UXS1: variants seen among roughly 807,000 people sequenced by gnomAD.
UXS1 encodes the protein UDP-glucuronate decarboxylase 1.
Under a neutral mutation model 62.6 loss-of-function variants are expected in UXS1, and 33 were observed. The observed-to-expected ratio is 0.53, with a 90% CI of 0.40 to 0.70. The LOEUF is 0.70. UXS1 is among the 30% of genes least tolerant of loss of function. The pLI is 0.00. For missense variants in UXS1, 434 were observed against 556.3 expected, an observed-to-expected ratio of 0.78 and a Z score of 2.21; for synonymous variants, 213 against 206.8, an observed-to-expected ratio of 1.03 and a Z score of -0.26.
intron 1 of UXS1, among the ~76,000 whole-genome samples, chr2:106,184,060 C>T (rs893005159): frequency 5.3e-5 from 8 of 152,050 alleles, no homozygotes; most frequent in Non-Finnish European, 1.0e-4. Flanking sequence ...GGCGTGGTGG[C>T]GCACGCTTGT....
At chr2:106,101,179 C>A in intron 11 of UXS1, 61 bp from the exon 12 acceptor site, 1 of 1,533,246 alleles carries the variant, frequency 6.5e-7, no homozygotes, top group Non-Finnish European at 8.8e-7. Flanking sequence ...TGCCACGCAC[C>A]ACATAGAAGC....
rs186731917 is a variant in UXS1, at chr2:106,166,361, A to T, written c.95-278T>A. The T allele has an allele frequency of 8.0e-4, 239 of 299,578 alleles. 1 individual carries two copies. In the Middle Eastern group the frequency reaches 8.8e-3, roughly 11 times the overall value. The allele number at this position is 299,578 out of a possible 1,614,324, so 18.6% of individuals were successfully genotyped here. A position where few individuals can be genotyped will look rare whatever the true frequency, so the allele number is the denominator to read the frequency against. The stretch of plus-strand genomic sequence containing the variant: ...ATATATGCTCCCATCAGCAGCAGTG[A>T]CAAGTGGGCTTTTAAAGGAAAAGGC... On this transcript the variant is annotated intron_variant, in intron 1 of 14. Transcript: ENST00000283148.
intron 13 of UXS1, chr2:106,097,034 T>G (rs572767493): frequency 3.0e-6 from 2 of 675,896 alleles, no homozygotes; most frequent in South Asian, 3.0e-5. Flanking sequence ...CCAAGCTGAC[T>G]GTGTGCAGGC....
chr2:106,127,254 G>A (rs1680034113), intron 7 of UXS1, among the ~76,000 whole-genome samples: 1 of 152,126 alleles, frequency 6.6e-6, no homozygotes, highest in African/African-American at 2.4e-5. Flanking sequence ...TGGGAGAAAT[G>A]CCCAAGAATA....
intron 1 of UXS1, among the ~76,000 whole-genome samples, chr2:106,190,166 T>C (rs1220760226): frequency 2.0e-5 from 3 of 152,078 alleles, no homozygotes; most frequent in Non-Finnish European, 4.4e-5. Flanking sequence ...GCAAGCAAAT[T>C]AGAACACCAG....
chr2:106,189,594 A>AG (rs1339848755), intron 1 of UXS1, among the ~76,000 whole-genome samples: 3 of 152,216 alleles, frequency 2.0e-5, no homozygotes, highest in Admixed American at 1.3e-4. Context: ...CATCAAGCTC[A>AG]GGGAGTGAGG....
chr2:106,126,424 G>C (rs888875794), intron 7 of UXS1, among the ~76,000 whole-genome samples: 5 of 152,070 alleles, frequency 3.3e-5, no homozygotes, highest in Admixed American at 2.0e-4. Flanking sequence ...CTACACTAGA[G>C]GGGGGCTGTG....
At chr2:106,139,439 G>A (rs1162641018) in intron 6 of UXS1, among the ~76,000 whole-genome samples, 3 of 152,142 alleles carry the variant, frequency 2.0e-5, no homozygotes, top group African/African-American at 7.2e-5. Context: ...TCCTGACTGG[G>A]GAAACTCAAC....
At chr2:106,105,396 A>AG (rs1677972843) in intron 10 of UXS1, among the ~76,000 whole-genome samples, 1 of 67,146 alleles carries the variant, frequency 1.5e-5, no homozygotes, top group African/African-American at 5.2e-5. Context: ...CGGAGGTGGC[A>AG]GGAGGAGGGT....
chr2:106,164,561 G>A (rs1453930420), intron 3 of UXS1, among the ~76,000 whole-genome samples, 175 bp downstream of exon 3: 1 of 152,106 alleles, frequency 6.6e-6, no homozygotes, highest in East Asian at 1.9e-4. Context: ...ATCAAAAATG[G>A]ACCAACAGTA....
At chr2:106,143,188 C>G (rs959388979) in intron 6 of UXS1, among the ~76,000 whole-genome samples, 2 of 151,302 alleles carry the variant, frequency 1.3e-5, no homozygotes, top group Admixed American at 6.6e-5. Flanking sequence ...GTGGGCGGAT[C>G]ATGAGGGCAG....
intron 9 of UXS1, among the ~76,000 whole-genome samples, chr2:106,121,636 C>T (rs1679530167): frequency 6.6e-6 from 1 of 152,120 alleles, no homozygotes; most frequent in African/African-American, 2.4e-5. Flanking sequence ...AAAGTATGTT[C>T]CTACTAAAAC....
At chr2:106,154,872 G>C (rs1682310733) in intron 5 of UXS1, among the ~76,000 whole-genome samples, 1 of 152,174 alleles carries the variant, frequency 6.6e-6, no homozygotes, top group Admixed American at 6.5e-5. Flanking sequence ...ACCTGAAGCT[G>C]GGTGATTTAT....
At chr2:106,160,757 T>C (rs1008100589) in intron 4 of UXS1, 1 of 152,202 alleles carries the variant, frequency 6.6e-6, no homozygotes, top group South Asian at 2.1e-4. Context: ...TTGCCCGACA[T>C]ACGCAGTGAC....
intron 6 of UXS1, among the ~76,000 whole-genome samples, chr2:106,130,395 G>T (rs905729681): frequency 6.6e-6 from 1 of 152,156 alleles, no homozygotes; most frequent in South Asian, 2.1e-4. Context: ...GGTAACATCT[G>T]CACATAGCAG....
At chr2:106,193,112 G>A (rs569705598) in intron 1 of UXS1, among the ~76,000 whole-genome samples, 1 of 152,194 alleles carries the variant, frequency 6.6e-6, no homozygotes, top group East Asian at 1.9e-4. Flanking sequence ...GAACAGCTGG[G>A]CTGTAGCACA....
At chr2:106,108,523 T>G (rs1225721051) in intron 10 of UXS1, among the ~76,000 whole-genome samples, 1 of 152,192 alleles carries the variant, frequency 6.6e-6, no homozygotes, top group Non-Finnish European at 1.5e-5. Flanking sequence ...GGACAGCTGA[T>G]GGCAGCAGAG....
At chr2:106,151,572 C>T (rs140352438) in intron 5 of UXS1, among the ~76,000 whole-genome samples, 8 of 152,248 alleles carry the variant, frequency 5.3e-5, no homozygotes, top group African/African-American at 1.9e-4. Flanking sequence ...AGATCATAAG[C>T]CAATACCTTT....
chr2:106,184,078 G>C (rs969799172), intron 1 of UXS1, among the ~76,000 whole-genome samples: 1 of 152,146 alleles, frequency 6.6e-6, no homozygotes, highest in African/African-American at 2.4e-5. Context: ...TGTGATCCCA[G>C]CTACTCAGGA....
Sources: gnomAD v4.1 joint callset for allele counts (sites outside exome capture counted in the v4.1 genomes callset) on GRCh38, gnomAD v4.1.1 for gene constraint, MANE v1.5 for transcripts, NCBI Gene and HGNC (gene_info 2026-07-23, HGNC 2026-07-21) for gene names.